Variants in ITGA9 observed in about 807,000 individuals in gnomAD.
ITGA9 encodes the protein integrin alpha-9.
ITGA9 carries 56 observed loss-of-function variants against 127.8 expected under a neutral mutation model. The ratio of observed to expected loss-of-function variants is 0.44; its 90% CI spans 0.35 to 0.55. ITGA9 has a LOEUF of 0.55. ITGA9 is among the 20% of genes least tolerant of loss of function. The probability of loss-of-function intolerance (pLI) is 0.00; values close to 1 mark genes in which losing one functional copy is unlikely to be tolerated. For synonymous variants in ITGA9, 508 were observed against 514.5 expected (o/e 0.99, Z 0.17); for missense variants, 1,196 against 1,347.1 (o/e 0.89, Z 1.76).
At chr3:37,654,187 CCTCCACACACA>C (rs1406215151) in intron 17 of ITGA9, among the ~76,000 whole-genome samples, 1 of 120,636 alleles carries the variant, frequency 8.3e-6, no homozygotes, top group Non-Finnish European at 1.7e-5. Context: ...TGCCCTCCTG[CCTCCACACACA>C]CACACACACA....
At chr3:37,628,474 C>G (rs1203995116) in intron 15 of ITGA9, among the ~76,000 whole-genome samples, 2 of 152,166 alleles carry the variant, frequency 1.3e-5, no homozygotes, top group Non-Finnish European at 2.9e-5. Context: ...CTTTCATTTC[C>G]CCTTTCCTTT....
intron 17 of ITGA9, among the ~76,000 whole-genome samples, chr3:37,664,650 T>C (rs1347654787): frequency 6.6e-6 from 1 of 151,712 alleles, no homozygotes; most frequent in Non-Finnish European, 1.5e-5. Context: ...GAGCTTCCCA[T>C]CTTGGCCTCC....
At chr3:37,635,542 T>A (rs1388673673) in intron 16 of ITGA9, among the ~76,000 whole-genome samples, 1 of 151,016 alleles carries the variant, frequency 6.6e-6, no homozygotes, top group African/African-American at 2.4e-5. Context: ...TCTTGGGATT[T>A]TGTGAGAAAT....
At chr3:37,618,151 G>A (rs564733079) in intron 15 of ITGA9, among the ~76,000 whole-genome samples, 1 of 152,238 alleles carries the variant, frequency 6.6e-6, no homozygotes, top group South Asian at 2.1e-4. Context: ...GTGTGGATGT[G>A]CTTTCTGTTT....
intron 27 of ITGA9, chr3:37,808,201 C>T (rs1697322147): frequency 6.6e-6 from 1 of 152,276 alleles, no homozygotes; most frequent in South Asian, 2.1e-4. Context: ...ATCTCAAGGA[C>T]TACTAGCCAC....
chr3:37,646,222 T>C (rs767660239), intron 16 of ITGA9, among the ~76,000 whole-genome samples: 4 of 152,238 alleles, frequency 2.6e-5, no homozygotes, highest in Non-Finnish European at 5.9e-5. Context: ...CATTCCCTTA[T>C]GTATTATCTA....
At chr3:37,632,932 C>G in intron 16 of ITGA9, among the ~76,000 whole-genome samples, 1 of 152,142 alleles carries the variant, frequency 6.6e-6, no homozygotes, top group Non-Finnish European at 1.5e-5. Flanking sequence ...TAAGCAAGAA[C>G]CCAGAAAGTT....
intron 15 of ITGA9, among the ~76,000 whole-genome samples, chr3:37,567,788 C>T (rs1699561772): frequency 6.6e-6 from 1 of 152,184 alleles, no homozygotes. Flanking sequence ...CATGCTGATG[C>T]AAAAGATAGG....
intron 15 of ITGA9, among the ~76,000 whole-genome samples, chr3:37,558,665 G>A (rs1305794241): frequency 6.6e-6 from 1 of 152,156 alleles, no homozygotes; most frequent in Non-Finnish European, 1.5e-5. Context: ...ACTGTGCTGG[G>A]CCCGGGGCAG....
chr3:37,683,664 G>A (rs1700754225), intron 17 of ITGA9, among the ~76,000 whole-genome samples: 1 of 152,158 alleles, frequency 6.6e-6, no homozygotes, highest in African/African-American at 2.4e-5. Context: ...AGTTAGGCAA[G>A]GTAGAACCCT....
In ITGA9 at chr3:37,751,963, C is replaced by G. The variant is rs562028656; in HGVS notation, c.2541+1394C>G. Among the ~76,000 whole-genome samples, 3 of 152,328 alleles carry G rather than the reference C, an allele frequency of 2.0e-5. No individual in the cohort carries two copies. In the East Asian group the frequency reaches 5.8e-4, roughly 29 times the overall value. ...AAAGTAAATTCACTGGCACATCTCA[C>G]TAAGCAAGTAGGAAAGCTCTCTGTG... On this transcript the variant is annotated intron_variant, in intron 23 of 27. Coordinates refer to ENST00000264741, the MANE Select transcript of ITGA9 (RefSeq NM_002207.3).
At chr3:37,748,858 G>C (rs1447220213) in intron 22 of ITGA9, 13 of 1,215,458 alleles carry the variant, frequency 1.1e-5, no homozygotes, top group Non-Finnish European at 1.6e-5. Context: ...CCAATGGGAA[G>C]GAGCCTGAGC....
intron 18 of ITGA9, among the ~76,000 whole-genome samples, chr3:37,707,452 A>AC (rs1184707325): frequency 6.6e-6 from 1 of 152,174 alleles, no homozygotes. Flanking sequence ...TATTTGCAGT[A>AC]CCCTCAAGTA....
intron 27 of ITGA9, among the ~76,000 whole-genome samples, chr3:37,811,393 CA>C (rs1450260087): frequency 1.2e-4 from 19 of 152,164 alleles, no homozygotes; most frequent in Admixed American, 1.1e-3. Context: ...GGAGGGATAA[CA>C]ACTTTGTGTG....
intron 24 of ITGA9, among the ~76,000 whole-genome samples, chr3:37,779,040 G>A (rs1396603395): frequency 6.6e-6 from 1 of 152,014 alleles, no homozygotes; most frequent in Non-Finnish European, 1.5e-5. Context: ...TACGCATTTT[G>A]GAACCTATCA....
intron 25 of ITGA9, among the ~76,000 whole-genome samples, chr3:37,780,492 C>CT (rs2125551766): frequency 6.6e-6 from 1 of 150,906 alleles, no homozygotes; most frequent in South Asian, 2.1e-4. Context: ...TAATTTAATT[C>CT]TTTTTTATGG....
chr3:37,547,722 A>G (rs1268188974), intron 15 of ITGA9, among the ~76,000 whole-genome samples: 3 of 152,216 alleles, frequency 2.0e-5, no homozygotes, highest in Non-Finnish European at 4.4e-5. Flanking sequence ...AGCTAAGAAA[A>G]AAACAGTTGC....
chr3:37,654,847 C>T (rs766551872), intron 17 of ITGA9, among the ~76,000 whole-genome samples: 1 of 152,142 alleles, frequency 6.6e-6, no homozygotes, highest in Non-Finnish European at 1.5e-5. Flanking sequence ...TCCCCTAACC[C>T]CCCACCCCTG....
chr3:37,618,706 T>TTG, intron 15 of ITGA9, among the ~76,000 whole-genome samples: 1 of 152,330 alleles, frequency 6.6e-6, no homozygotes, highest in Middle Eastern at 3.4e-3. Context: ...CAGTTTGATC[T>TTG]CAGACTGCTG....
Sources: allele counts gnomAD v4.1 joint callset (sites outside exome capture counted in the v4.1 genomes callset), GRCh38; gene constraint gnomAD v4.1.1; transcripts MANE v1.5; gene names NCBI Gene and HGNC (gene_info 2026-07-23, HGNC 2026-07-21).